RBM39: variants seen among roughly 807,000 people sequenced by gnomAD.
RBM39 encodes RNA binding motif protein 39.
In RBM39, 12 loss-of-function variants were observed where a neutral mutation model predicts 79.6. The observed-to-expected ratio is 0.15, with a 90% CI of 0.10 to 0.24. The LOEUF (loss-of-function observed/expected upper bound fraction) is 0.24. RBM39 is among the 10% of genes least tolerant of loss of function. RBM39 has a pLI of 1.00. For missense variants in RBM39, 243 were observed against 653.4 expected (o/e 0.37, Z 6.85); for synonymous variants, 185 against 208.4 (o/e 0.89, Z 0.97).
At chr20:35,738,475 G>A (rs548382656) in intron 3 of RBM39, among the ~76,000 whole-genome samples, 254 of 145,466 alleles carry the variant, frequency 1.7e-3, no homozygotes, top group Admixed American at 2.6e-3. Flanking sequence ...GCCACCTTTA[G>A]AAGTACTTAA....
intron 9 of RBM39, among the ~76,000 whole-genome samples, chr20:35,720,487 A>G (rs1037888356): frequency 6.6e-6 from 1 of 151,954 alleles, no homozygotes; most frequent in Non-Finnish European, 1.5e-5. Context: ...AGAAAAGTCA[A>G]TGGAGGCCAG....
In RBM39 at chr20:35,729,559, C is replaced by T. The variant is rs114626059; in HGVS notation, c.297-32G>A. ...AGGAAACACAAAATTACACTAGTTA[C>T]AGGTTTAGGGTCTTGCTAAGATCGC... is the stretch of plus-strand genomic sequence containing the variant. On this transcript the variant is annotated intron_variant, in intron 4 of 16. Coordinates refer to ENST00000253363, the MANE Select transcript of RBM39 (RefSeq NM_184234.3). 2,938 of 1,597,716 alleles carry T rather than the reference C, an allele frequency of 1.8e-3. 54 individuals are homozygous for T. The African/African-American group carries it at 0.034, about 19-fold the overall frequency.
intron 1 of RBM39, 52 bp from the exon 2 acceptor site, chr20:35,740,939 A>C: frequency 7.2e-7 from 1 of 1,395,694 alleles, no homozygotes; most frequent in Non-Finnish European, 1.0e-6. Context: ...TTACAATGTG[A>C]AACAAGTTTC....
chr20:35,718,783 A>G (rs537202036), intron 9 of RBM39, among the ~76,000 whole-genome samples: 1 of 143,142 alleles, frequency 7.0e-6, no homozygotes, highest in Non-Finnish European at 1.5e-5. Context: ...ATTGCACTCC[A>G]GCCTGGGCAA....
At chr20:35,705,160 T>G in intron 15 of RBM39, 65 bp downstream of exon 15, 1 of 936,622 alleles carries the variant, frequency 1.1e-6, no homozygotes, top group Non-Finnish European at 1.6e-6. Context: ...ATGCACCACA[T>G]AATGTGCGAA....
chr20:35,739,603 G>T, intron 2 of RBM39: 7 of 457,852 alleles, frequency 1.5e-5, no homozygotes, highest in South Asian at 1.1e-4. Context: ...AAGAACCCAA[G>T]AAAGTCAATT....
intron 6 of RBM39, among the ~76,000 whole-genome samples, chr20:35,726,364 C>G (rs923112639): frequency 6.6e-6 from 1 of 152,104 alleles, no homozygotes; most frequent in Admixed American, 6.6e-5. Flanking sequence ...ATCTCCTGAT[C>G]TCGTGATCCA....
chr20:35,721,124 A>C (rs1421987346), intron 9 of RBM39, among the ~76,000 whole-genome samples: 1 of 152,094 alleles, frequency 6.6e-6, no homozygotes, highest in Non-Finnish European at 1.5e-5. Flanking sequence ...TATTTTTAAC[A>C]GAGACGTGGT....
At position 35,704,341 on chromosome 20, in the gene RBM39, T is replaced by G. The variant is rs2035474494; in HGVS notation, c.*140A>C. 1.6e-6 allele frequency: 1 copy of G among 629,256 alleles called. No homozygotes were observed. The highest frequency in any genetic ancestry group is 1.8e-5 in the African/African-American group (1 of 54,240). The allele number at this position is 629,256 out of a possible 1,614,324, so 39.0% of individuals were successfully genotyped here. On this transcript the variant is annotated 3_prime_UTR_variant, in exon 17 of 17. Coordinates refer to ENST00000253363, the MANE Select transcript of RBM39 (RefSeq NM_184234.3). ...GCACACTGCATTCCTGTTAACATTT[T>G]TATTTTTTCAAGGTAACAGGAAATT... is the stretch of plus-strand genomic sequence containing the variant.
intron 12 of RBM39, among the ~76,000 whole-genome samples, 169 bp downstream of exon 12, chr20:35,712,850 G>A (rs969899693): frequency 2.6e-5 from 4 of 152,100 alleles, no homozygotes; most frequent in African/African-American, 9.7e-5. Context: ...TTGATGCATG[G>A]TTAATTCTAC....
chr20:35,736,541 C>T, intron 3 of RBM39: 1 of 470,350 alleles, frequency 2.1e-6, no homozygotes, highest in South Asian at 1.6e-5. Flanking sequence ...GAAAGACTGA[C>T]ATACTTACTA....
At chr20:35,723,230 CAAAAAA>C (rs200651582) in intron 8 of RBM39, among the ~76,000 whole-genome samples, 1 of 123,116 alleles carries the variant, frequency 8.1e-6, no homozygotes, top group Non-Finnish European at 1.8e-5. Context: ...AAGATCGCCT[CAAAAAA>C]AAAAAAAAAG....
chr20:35,733,554 A>G (rs1482838953), intron 3 of RBM39, among the ~76,000 whole-genome samples: 1 of 152,112 alleles, frequency 6.6e-6, no homozygotes, highest in Non-Finnish European at 1.5e-5. Context: ...GGTTGGAGTG[A>G]GCCGAAATCA....
intron 15 of RBM39, 149 bp from the exon 16 acceptor site, chr20:35,704,895 G>A (rs1415386646): frequency 1.5e-6 from 1 of 646,962 alleles, no homozygotes; most frequent in African/African-American, 1.8e-5. Context: ...AGGTATACTA[G>A]AATTTTATTA....
chr20:35,712,372 G>A (rs1044442249), intron 12 of RBM39, among the ~76,000 whole-genome samples: 1 of 143,694 alleles, frequency 7.0e-6, no homozygotes, highest in African/African-American at 2.6e-5. Context: ...GGCACAGGTT[G>A]CAGTGAGCCG....
chr20:35,740,993 G>A (rs1311632355), intron 1 of RBM39, 106 bp from the exon 2 acceptor site: 5 of 466,100 alleles, frequency 1.1e-5, no homozygotes, highest in South Asian at 2.2e-5. Context: ...TAAACGCCTA[G>A]GAAAAGAACA....
At chr20:35,740,927 TC>T in intron 1 of RBM39, 40 bp from the exon 2 acceptor site, 1 of 1,453,228 alleles carries the variant, frequency 6.9e-7, no homozygotes, top group Non-Finnish European at 9.6e-7. Flanking sequence ...TAAACATTTC[TC>T]TTACAATGTG....
intron 10 of RBM39, 24 bp from the exon 11 acceptor site, chr20:35,714,413 C>CA (rs2036846425): frequency 6.2e-7 from 1 of 1,603,518 alleles, no homozygotes; most frequent in Non-Finnish European, 8.5e-7. Flanking sequence ...GAGGCAAGGA[C>CA]AGGAGACAGT....
chr20:35,716,540 T>C (rs2037154470), intron 10 of RBM39, among the ~76,000 whole-genome samples, 200 bp downstream of exon 10: 1 of 152,182 alleles, frequency 6.6e-6, no homozygotes, highest in Admixed American at 6.5e-5. Flanking sequence ...CTGCCTTTTG[T>C]TACAAGGGCA....
Sources: allele counts gnomAD v4.1 joint callset (sites outside exome capture counted in the v4.1 genomes callset), GRCh38; gene constraint gnomAD v4.1.1; transcripts MANE v1.5; gene names NCBI Gene and HGNC (gene_info 2026-07-23, HGNC 2026-07-21).